Variants in RALYL observed in about 807,000 individuals in gnomAD.
RALYL encodes RNA-binding Raly-like protein.
In RALYL, 29 loss-of-function variants were observed where a neutral mutation model predicts 35.1. That is an observed-to-expected ratio of 0.83 (90% CI 0.61 to 1.13). The LOEUF is 1.13. Among genes scored for constraint, RALYL ranks in the 50% most tolerant of loss-of-function variants. The probability of loss-of-function intolerance (pLI) is 0.00; values close to 1 mark genes in which losing one functional copy is unlikely to be tolerated. For synonymous variants in RALYL, 120 were observed against 127.6 expected (o/e 0.94, Z 0.40); for missense variants, 359 against 360.4 (o/e 1.00, Z 0.03).
intron 6 of RALYL, among the ~76,000 whole-genome samples, chr8:84,868,735 G>T (rs967634532): frequency 6.6e-6 from 1 of 152,054 alleles, no homozygotes; most frequent in Non-Finnish European, 1.5e-5. Context: ...AATGGGTATA[G>T]ATGTATGTAG....
rs1820612904 is a variant in RALYL at position 84,619,137 on chromosome 8, C to T, written c.256+89560C>T. ...ACTTGGTGCAGAGCTGAGTTCAATT[C>T]CTGGGTATCCTTGTTGACTTTCTGT... On this transcript the variant is annotated intron_variant, in intron 2 of 8. Coordinates refer to ENST00000521268, the MANE Select transcript of RALYL (RefSeq NM_173848.7). Among the ~76,000 whole-genome samples the T allele has an allele frequency of 2.0e-5, 3 of 151,490 alleles. No homozygotes were observed. In the East Asian group the frequency reaches 5.8e-4, roughly 29 times the overall value.
At chr8:84,280,471 T>C (rs1380869095) in intron 1 of RALYL, among the ~76,000 whole-genome samples, 1 of 152,108 alleles carries the variant, frequency 6.6e-6, no homozygotes, top group African/African-American at 2.4e-5. Flanking sequence ...TTATTTTATT[T>C]ACAAAGTTTA....
intron 1 of RALYL, among the ~76,000 whole-genome samples, chr8:84,284,115 G>A (rs369547375): frequency 7.2e-5 from 11 of 152,224 alleles, no homozygotes; most frequent in Admixed American, 4.6e-4. Context: ...AGTTGACAAA[G>A]TAGTCTTTAG....
intron 1 of RALYL, among the ~76,000 whole-genome samples, chr8:84,433,935 G>A (rs1352313179): frequency 6.6e-6 from 1 of 151,734 alleles, no homozygotes. Flanking sequence ...AAATTTGTTT[G>A]TGGGTACCTC....
chr8:84,589,299 A>C (rs1388266960), intron 2 of RALYL, among the ~76,000 whole-genome samples: 1 of 152,218 alleles, frequency 6.6e-6, no homozygotes, highest in Non-Finnish European at 1.5e-5. Context: ...AAACATATGG[A>C]TAGGAGAAAA....
intron 3 of RALYL, among the ~76,000 whole-genome samples, chr8:84,803,490 T>A (rs1021190858): frequency 3.3e-5 from 5 of 152,186 alleles, no homozygotes; most frequent in African/African-American, 9.6e-5. Flanking sequence ...GCAATTAATG[T>A]ACCTACAGTT....
chr8:84,521,538 T>C (rs986509785), intron 1 of RALYL, among the ~76,000 whole-genome samples: 2 of 152,204 alleles, frequency 1.3e-5, no homozygotes, highest in African/African-American at 2.4e-5. Flanking sequence ...AGGTGATGGT[T>C]CCTTATAGAA....
chr8:84,385,990 T>C (rs1444543636), intron 1 of RALYL, among the ~76,000 whole-genome samples: 3 of 151,836 alleles, frequency 2.0e-5, no homozygotes, highest in African/African-American at 7.2e-5. Context: ...CCTGACAACT[T>C]TCACTCTGTC....
chr8:84,854,303 G>A (rs11985674), intron 5 of RALYL, among the ~76,000 whole-genome samples: 61,776 of 151,072 alleles, frequency 0.41, 13,470 homozygotes, highest in South Asian at 0.54. Context: ...CCGAGATCGT[G>A]CCACTGCACT....
At chr8:84,887,572 GGT>G in intron 7 of RALYL, 30 bp from the exon 8 acceptor site, 1 of 1,576,044 alleles carries the variant, frequency 6.3e-7, no homozygotes, top group Non-Finnish European at 8.6e-7. Context: ...AGCAACCCAA[GGT>G]AGTAGTCATT....
intron 1 of RALYL, among the ~76,000 whole-genome samples, chr8:84,518,824 G>A (rs1487658040): frequency 6.6e-6 from 1 of 152,146 alleles, no homozygotes; most frequent in Non-Finnish European, 1.5e-5. Context: ...CTTAACTCCT[G>A]AGGGAGCTGT....
intron 8 of RALYL, among the ~76,000 whole-genome samples, chr8:84,902,853 T>C (rs191539953): frequency 6.0e-4 from 91 of 152,302 alleles, no homozygotes; most frequent in Non-Finnish European, 1.1e-3. Flanking sequence ...ATTTTGTATG[T>C]CAAACTTAAT....
At chr8:84,539,794 G>A (rs1165450604) in intron 2 of RALYL, among the ~76,000 whole-genome samples, 1 of 145,726 alleles carries the variant, frequency 6.9e-6, no homozygotes, top group Non-Finnish European at 1.5e-5. Flanking sequence ...TAACTGCCCT[G>A]AAATGTCTCT....
chr8:84,719,921 C>A (rs956033541), intron 2 of RALYL, among the ~76,000 whole-genome samples: 1 of 152,222 alleles, frequency 6.6e-6, no homozygotes, highest in Non-Finnish European at 1.5e-5. Context: ...TATACCCCAG[C>A]CCCTTTCCAC....
intron 1 of RALYL, among the ~76,000 whole-genome samples, chr8:84,375,970 G>A (rs768984727): frequency 3.3e-5 from 5 of 151,812 alleles, no homozygotes; most frequent in Non-Finnish European, 7.4e-5. Flanking sequence ...AAGCAGAATA[G>A]AATGAAGCAA....
At chr8:84,412,011 G>C (rs73304362) in intron 1 of RALYL, among the ~76,000 whole-genome samples, 1 of 151,950 alleles carries the variant, frequency 6.6e-6, no homozygotes, top group East Asian at 1.9e-4. Context: ...CACAAAATGC[G>C]TAGAACTGCC....
intron 1 of RALYL, among the ~76,000 whole-genome samples, chr8:84,506,857 A>G (rs1368064310): frequency 6.6e-6 from 1 of 152,038 alleles, no homozygotes; most frequent in Non-Finnish European, 1.5e-5. Flanking sequence ...AATTTTCCAG[A>G]TAACAGATAT....
At chr8:84,910,832 T>C (rs577444282) in intron 8 of RALYL, among the ~76,000 whole-genome samples, 1 of 151,970 alleles carries the variant, frequency 6.6e-6, no homozygotes, top group African/African-American at 2.4e-5. Context: ...TCACCTGAAA[T>C]TGTATATTTA....
At chr8:84,797,252 A>T (rs1822153931) in intron 3 of RALYL, among the ~76,000 whole-genome samples, 1 of 152,244 alleles carries the variant, frequency 6.6e-6, no homozygotes, top group African/African-American at 2.4e-5. Context: ...TCATGAGGGT[A>T]AAGTCCTCAT....
Sources: gnomAD v4.1 joint callset for allele counts (sites outside exome capture counted in the v4.1 genomes callset) on GRCh38, gnomAD v4.1.1 for gene constraint, MANE v1.5 for transcripts, NCBI Gene and HGNC (gene_info 2026-07-23, HGNC 2026-07-21) for gene names.